The following DCLK1 variants were observed in gnomAD, a reference collection of about 807,000 sequenced individuals.
DCLK1 encodes serine/threonine-protein kinase DCLK1.
Under a neutral mutation model 86.2 loss-of-function variants are expected in DCLK1, and 16 were observed. That is an observed-to-expected ratio of 0.19 (90% CI 0.13 to 0.28). DCLK1 has a LOEUF of 0.28. Among genes scored for constraint, DCLK1 ranks in the 10% least tolerant of loss-of-function variants. DCLK1 has a pLI of 1.00. For missense variants in DCLK1, 590 were observed against 940.2 expected (o/e 0.63, Z 4.87); for synonymous variants, 369 against 370.5 (o/e 1.00, Z 0.05).
intron 4 of DCLK1, among the ~76,000 whole-genome samples, chr13:35,907,697 T>C (rs1874763587): frequency 6.6e-6 from 1 of 152,104 alleles, no homozygotes; most frequent in Non-Finnish European, 1.5e-5. Flanking sequence ...TTTCTCTGCA[T>C]TACAGTTGGT....
chr13:35,998,716 A>T (rs1880582944), intron 3 of DCLK1, among the ~76,000 whole-genome samples: 1 of 152,208 alleles, frequency 6.6e-6, no homozygotes, highest in African/African-American at 2.4e-5. Flanking sequence ...TATTGTGATT[A>T]TGCTTTTCAA....
intron 3 of DCLK1, among the ~76,000 whole-genome samples, chr13:36,014,234 C>A (rs1246704479): frequency 6.6e-6 from 1 of 152,164 alleles, no homozygotes; most frequent in African/African-American, 2.4e-5. Context: ...GGCTCCTCTA[C>A]CCCTCTCTAA....
At chr13:36,069,528 G>C (rs1593862247) in intron 3 of DCLK1, among the ~76,000 whole-genome samples, 1 of 152,198 alleles carries the variant, frequency 6.6e-6, no homozygotes, top group Middle Eastern at 3.4e-3. Context: ...CAGTCACCAG[G>C]GTGGTGACAG....
At chr13:35,885,946 A>G (rs17053084) in intron 4 of DCLK1, among the ~76,000 whole-genome samples, 34,571 of 151,584 alleles carry the variant, frequency 0.23, 5,103 homozygotes, top group African/African-American at 0.4. Context: ...ATGTAAAATT[A>G]TAGTAGCAGA....
chr13:35,860,686 G>C (rs1158521184), intron 5 of DCLK1, among the ~76,000 whole-genome samples: 1 of 152,158 alleles, frequency 6.6e-6, no homozygotes, highest in Non-Finnish European at 1.5e-5. Context: ...TTACCCAGTA[G>C]TTACCATGAA....
chr13:35,854,086 G>A (rs1171451775), intron 6 of DCLK1, among the ~76,000 whole-genome samples: 1 of 152,128 alleles, frequency 6.6e-6, no homozygotes, highest in Admixed American at 6.5e-5. Context: ...TGGACCCTCT[G>A]CTGCTCTGGG....
At chr13:36,062,487 C>T (rs1383668922) in intron 3 of DCLK1, among the ~76,000 whole-genome samples, 1 of 152,106 alleles carries the variant, frequency 6.6e-6, no homozygotes, top group African/African-American at 2.4e-5. Context: ...CCTGGCTACT[C>T]GGCCTAAGCA....
intron 3 of DCLK1, among the ~76,000 whole-genome samples, chr13:36,103,602 T>C (rs1039783168): frequency 1.3e-5 from 2 of 152,138 alleles, no homozygotes; most frequent in Non-Finnish European, 2.9e-5. Flanking sequence ...TCCTTTTGTT[T>C]CTAAGGCATG....
At chr13:36,084,724 G>A (rs936338213) in intron 3 of DCLK1, among the ~76,000 whole-genome samples, 3 of 152,118 alleles carry the variant, frequency 2.0e-5, no homozygotes, top group Non-Finnish European at 4.4e-5. Flanking sequence ...CACATTAAGA[G>A]AAACAGACAA....
At chr13:35,944,488 A>G (rs1179093211) in intron 4 of DCLK1, among the ~76,000 whole-genome samples, 1 of 152,238 alleles carries the variant, frequency 6.6e-6, no homozygotes, top group East Asian at 1.9e-4. Flanking sequence ...AGCACTTAAA[A>G]AAAGATTCAA....
chr13:36,081,565 G>A (rs1160795442), intron 3 of DCLK1, among the ~76,000 whole-genome samples: 6 of 152,106 alleles, frequency 3.9e-5, no homozygotes, highest in African/African-American at 1.4e-4. Context: ...TTAAAAAGCA[G>A]TTATTTCCAA....
intron 11 of DCLK1, among the ~76,000 whole-genome samples, chr13:35,813,904 T>C (rs961931192): frequency 3.3e-5 from 5 of 151,946 alleles, no homozygotes; most frequent in Admixed American, 1.3e-4. Context: ...AAAAAAAATG[T>C]TTTTGCAGGT....
At chr13:35,806,310 G>T (rs946463967) in intron 14 of DCLK1, among the ~76,000 whole-genome samples, 1 of 152,126 alleles carries the variant, frequency 6.6e-6, no homozygotes, top group Non-Finnish European at 1.5e-5. Context: ...TGATCCTTTA[G>T]TAGCTAAAGA....
chr13:35,867,954 A>G (rs1871961880), intron 5 of DCLK1, among the ~76,000 whole-genome samples: 1 of 149,572 alleles, frequency 6.7e-6, no homozygotes. Flanking sequence ...AGAAAGAAAG[A>G]AAGAAAGAAA....
chr13:35,929,201 A>G (rs1876291496), intron 4 of DCLK1, among the ~76,000 whole-genome samples: 1 of 152,162 alleles, frequency 6.6e-6, no homozygotes, highest in Non-Finnish European at 1.5e-5. Flanking sequence ...AGTTCTAAAC[A>G]CTTTTTAAAA....
At chr13:36,076,066 A>G (rs1015603846) in intron 3 of DCLK1, among the ~76,000 whole-genome samples, 1 of 152,136 alleles carries the variant, frequency 6.6e-6, no homozygotes, top group Non-Finnish European at 1.5e-5. Flanking sequence ...TTCCTTCAAT[A>G]TATCTTGCAT....
At chr13:35,919,068 A>C (rs1875621747) in intron 4 of DCLK1, among the ~76,000 whole-genome samples, 2 of 151,506 alleles carry the variant, frequency 1.3e-5, no homozygotes, top group Non-Finnish European at 1.5e-5. Context: ...TGCTTGGCTA[A>C]CTTTTGTACT....
intron 6 of DCLK1, chr13:35,850,176 G>C: frequency 1.0e-6 from 1 of 984,442 alleles, no homozygotes; most frequent in Non-Finnish European, 1.2e-6. Context: ...CTACTGTCTA[G>C]GGAGAAAAAA....
intron 8 of DCLK1, 142 bp from the exon 9 acceptor site, chr13:35,828,449 A>ATTT (rs1868666933): frequency 4.5e-6 from 3 of 663,092 alleles, no homozygotes; most frequent in Admixed American, 3.0e-5. Context: ...TCCTTTTTTA[A>ATTT]AAAAAAACAA....
Sources: gnomAD v4.1 joint callset for allele counts (sites outside exome capture counted in the v4.1 genomes callset) on GRCh38, gnomAD v4.1.1 for gene constraint, MANE v1.5 for transcripts, NCBI Gene and HGNC (gene_info 2026-07-23, HGNC 2026-07-21) for gene names.